Variants in ADARB2 observed in about 807,000 individuals in gnomAD.
ADARB2 encodes inactive double-stranded RNA-specific editase B2.
Under a neutral mutation model 62.2 loss-of-function variants are expected in ADARB2, and 25 were observed. That is an observed-to-expected ratio of 0.40 (90% CI 0.29 to 0.56). ADARB2 has a LOEUF of 0.56. ADARB2 is among the 20% of genes least tolerant of loss of function. The pLI is 0.43. For synonymous variants in ADARB2, 572 were observed against 500.8 expected (o/e 1.14, Z -1.90); for missense variants, 1,071 against 1,077.4 (o/e 0.99, Z 0.08).
At chr10:1,452,281 A>G (rs1160764019) in intron 1 of ADARB2, among the ~76,000 whole-genome samples, 1 of 152,176 alleles carries the variant, frequency 6.6e-6, no homozygotes, top group Non-Finnish European at 1.5e-5. Context: ...ATCTAAGTCC[A>G]TGGCCCACAA....
At chr10:1,201,950 T>A (rs1836992859) in intron 7 of ADARB2, among the ~76,000 whole-genome samples, 1 of 151,948 alleles carries the variant, frequency 6.6e-6, no homozygotes, top group Non-Finnish European at 1.5e-5. Context: ...GATTCCACAG[T>A]GTGTCTCCCT....
At chr10:1,367,991 G>A (rs1832328039) in intron 2 of ADARB2, among the ~76,000 whole-genome samples, 1 of 152,188 alleles carries the variant, frequency 6.6e-6, no homozygotes, top group African/African-American at 2.4e-5. Context: ...GGCCTGTCCT[G>A]GACACACCAG....
chr10:1,450,754 G>A (rs7074956), intron 1 of ADARB2, among the ~76,000 whole-genome samples: 9,059 of 152,272 alleles, frequency 0.059, 363 homozygotes, highest in East Asian at 0.13. Flanking sequence ...GCTTGCATGG[G>A]GCCCCTGGGG....
rs550984277 is a variant in ADARB2 at position 1,552,329 on chromosome 10, C to T, written c.101-173169G>A. ...CCCTCCTCTCTGGCTAGTTTGGGGC[C>T]CTGTCCTTGGGGCATTAGGGGCATG... is the stretch of plus-strand genomic sequence containing the variant. On this transcript the variant is annotated intron_variant, in intron 1 of 9. Coordinates refer to ENST00000381312, the MANE Select transcript of ADARB2 (RefSeq NM_018702.4). 2.1e-4 allele frequency among the ~76,000 whole-genome samples: 32 copies of T among 152,316 alleles called. No homozygotes were observed. The South Asian group carries it at 5.8e-3, about 28-fold the overall frequency.
At chr10:1,533,849 T>C (rs897642413) in intron 1 of ADARB2, among the ~76,000 whole-genome samples, 3 of 152,184 alleles carry the variant, frequency 2.0e-5, no homozygotes, top group Non-Finnish European at 2.9e-5. Context: ...GGGACCCTCA[T>C]GGCCCCAAGG....
intron 1 of ADARB2, among the ~76,000 whole-genome samples, chr10:1,528,399 A>G (rs2131956902): frequency 6.6e-6 from 1 of 152,294 alleles, no homozygotes; most frequent in East Asian, 1.9e-4. Context: ...GTGCACGTGA[A>G]TCTATGAGCA....
chr10:1,685,928 C>T (rs972575737), intron 1 of ADARB2, among the ~76,000 whole-genome samples: 11 of 152,164 alleles, frequency 7.2e-5, no homozygotes, highest in East Asian at 1.9e-4. Context: ...CTGCCCGGGA[C>T]GGATGGGCTG....
In ADARB2 at chr10:1,363,956, C is replaced by T. The variant is rs1158357705; in HGVS notation, c.188-39G>A. 1.6e-5 allele frequency: 23 copies of T among 1,417,300 alleles called. No individual in the cohort carries two copies. In the East Asian group the frequency reaches 3.2e-4, roughly 20 times the overall value. 87.8% of individuals were successfully genotyped at this position (1,417,300 alleles called of 1,614,324 possible). ...CAGACCAGTCAGGAGCCTGGGCGGG[C>T]GCCGGCAGGTCGATGGGCACAGCAG... On this transcript the variant is annotated intron_variant, in intron 2 of 9. Transcript: ENST00000381312.
chr10:1,445,560 G>C (rs2131898328), intron 1 of ADARB2, among the ~76,000 whole-genome samples: 1 of 151,962 alleles, frequency 6.6e-6, no homozygotes, highest in Non-Finnish European at 1.5e-5. Context: ...CCATCCATCT[G>C]TCCTTCCATT....
At chr10:1,376,261 GCAA>G in intron 2 of ADARB2, among the ~76,000 whole-genome samples, 1 of 152,360 alleles carries the variant, frequency 6.6e-6, no homozygotes, top group Non-Finnish European at 1.5e-5. Context: ...ACAAAGGGGA[GCAA>G]CTAGTACATT....
At chr10:1,402,760 G>T (rs554677637) in intron 1 of ADARB2, among the ~76,000 whole-genome samples, 3 of 152,256 alleles carry the variant, frequency 2.0e-5, no homozygotes, top group South Asian at 4.2e-4. Flanking sequence ...TCCAACGGGG[G>T]CTCTGATTAA....
At chr10:1,406,144 G>T (rs1832706599) in intron 1 of ADARB2, among the ~76,000 whole-genome samples, 1 of 152,230 alleles carries the variant, frequency 6.6e-6, no homozygotes, top group Non-Finnish European at 1.5e-5. Flanking sequence ...CATGGTGGAG[G>T]TGTGGATTTT....
chr10:1,298,054 C>T (rs1211131271), intron 3 of ADARB2, among the ~76,000 whole-genome samples: 1 of 152,240 alleles, frequency 6.6e-6, no homozygotes, highest in Non-Finnish European at 1.5e-5. Flanking sequence ...CCTTGCTTTC[C>T]ACTTCCCTCC....
chr10:1,591,655 GCACGCACACA>G lies in ADARB2; in HGVS notation c.100+145386_100+145395del, dbSNP rs1297654007. Among the ~76,000 whole-genome samples, 15 of 87,018 alleles carry G rather than the reference GCACGCACACA, an allele frequency of 1.7e-4. No homozygotes were observed. The East Asian group carries it at 4.0e-3, about 23-fold the overall frequency. 57.1% of individuals were successfully genotyped at this position (87,018 alleles called of 152,430 possible). The stretch of plus-strand genomic sequence containing the variant: ...GAATCTCTCTTACACACAGAGGCGT[GCACGCACACA>G]CACACACACACACGCACACACTCAC... On this transcript the variant is annotated intron_variant, in intron 1 of 9. Transcript: ENST00000381312.
chr10:1,457,660 A>G (rs919405400), intron 1 of ADARB2, among the ~76,000 whole-genome samples: 3 of 152,180 alleles, frequency 2.0e-5, no homozygotes, highest in Non-Finnish European at 2.9e-5. Flanking sequence ...CCAGGTTCCC[A>G]CAGTGACAGA....
intron 1 of ADARB2, among the ~76,000 whole-genome samples, chr10:1,621,453 C>T (rs1428090180): frequency 6.6e-6 from 1 of 150,448 alleles, no homozygotes; most frequent in Non-Finnish European, 1.5e-5. Flanking sequence ...TCTCACTCTG[C>T]CACTTGGGCT....
chr10:1,447,662 G>A (rs1279446950), intron 1 of ADARB2, among the ~76,000 whole-genome samples: 1 of 152,032 alleles, frequency 6.6e-6, no homozygotes, highest in Non-Finnish European at 1.5e-5. Flanking sequence ...TTTGCTGTAC[G>A]GATTGTAATG....
At chr10:1,213,866 A>AGCGTCTCGTGGGTTT (rs1564222783) in intron 7 of ADARB2, among the ~76,000 whole-genome samples, 4 of 151,886 alleles carry the variant, frequency 2.6e-5, no homozygotes, top group African/African-American at 9.7e-5. Flanking sequence ...ATCTGTGTCC[A>AGCGTCTCGTGGGTTT]GCATCTCGTG....
At position 1,329,808 on chromosome 10, in the gene ADARB2, A is replaced by T. The variant is rs143348399; in HGVS notation, c.1077+33220T>A. On this transcript the variant is annotated intron_variant, in intron 3 of 9. Coordinates refer to ENST00000381312, the MANE Select transcript of ADARB2 (RefSeq NM_018702.4). ...AATAGGACTGGACAGAAGCGTTTGT[A>T]AGAGTGGGCGGGACCAGGCAGGGGT... 7.9e-5 allele frequency among the ~76,000 whole-genome samples: 12 copies of T among 152,194 alleles called. 1 individual carries two copies. The highest frequency in any genetic ancestry group is 2.9e-4 in the African/African-American group (12 of 41,542).
Sources: allele counts gnomAD v4.1 joint callset (sites outside exome capture counted in the v4.1 genomes callset), GRCh38; gene constraint gnomAD v4.1.1; transcripts MANE v1.5; gene names NCBI Gene and HGNC (gene_info 2026-07-23, HGNC 2026-07-21).